Variants in CYRIA observed in about 807,000 individuals in gnomAD.
CYRIA encodes the protein CYFIP-related Rac1 interactor A.
Under a neutral mutation model 43.9 loss-of-function variants are expected in CYRIA, and 15 were observed. The ratio of observed to expected loss-of-function variants is 0.34; its 90% CI spans 0.23 to 0.53. The LOEUF is 0.53. Ranked by LOEUF, CYRIA falls within the 20% of genes least tolerant of loss-of-function variation. CYRIA has a pLI of 0.94. For synonymous variants in CYRIA, 117 were observed against 136.0 expected (o/e 0.86, Z 0.97); for missense variants, 236 against 394.2 (o/e 0.60, Z 3.40).
At chr2:16,634,109 C>T (rs563652950) in intron 1 of CYRIA, among the ~76,000 whole-genome samples, 2 of 152,262 alleles carry the variant, frequency 1.3e-5, no homozygotes, top group South Asian at 4.1e-4. Flanking sequence ...AGTATTTAGG[C>T]TTGATAAGCT....
chr2:16,578,643 T>C (rs1292516511), intron 3 of CYRIA, among the ~76,000 whole-genome samples: 1 of 152,164 alleles, frequency 6.6e-6, no homozygotes, highest in Non-Finnish European at 1.5e-5. Context: ...CTACTAATGA[T>C]AAGCTCCTTG....
chr2:16,561,358 C>T (rs957592470), intron 7 of CYRIA, 81 bp from the exon 8 acceptor site: 1 of 1,472,778 alleles, frequency 6.8e-7, no homozygotes, highest in Non-Finnish European at 9.5e-7. Flanking sequence ...AACTGAATTA[C>T]AGACAAGGAC....
In CYRIA at chr2:16,568,242, A is replaced by C. The variant is rs201335636; in HGVS notation, c.71-2475T>G. Among the ~76,000 whole-genome samples, 5 of 151,822 alleles carry C rather than the reference A, an allele frequency of 3.3e-5. No homozygotes were observed. In the East Asian group the frequency reaches 9.7e-4, roughly 29 times the overall value. On this transcript the variant is annotated intron_variant, in intron 3 of 11. Coordinates refer to ENST00000381323, the MANE Select transcript of CYRIA (RefSeq NM_030797.4). Reference sequence around the variant, plus strand: ...TTCAAAATCAGAAAAAAAAAAAAAAAAAAAAAACCCAAATCTGAAACACTT... The same window carrying C: ...TTCAAAATCAGAAAAAAAAAAAAAACAAAAAAACCCAAATCTGAAACACTT...
Position 16,602,515 on chromosome 2 carries a change from T to C in CYRIA, c.-10-14386A>G, listed in dbSNP as rs115082672. On this transcript the variant is annotated intron_variant, in intron 2 of 11. Coordinates refer to ENST00000381323, the MANE Select transcript of CYRIA (RefSeq NM_030797.4). ...TATGTCAAAGGGAGAAAAGTTATCA[T>C]TGGACCCATTTTACGGGTATAAGAA... 8.9e-3 allele frequency among the ~76,000 whole-genome samples: 1,362 copies of C among 152,278 alleles called. 16 individuals carry two copies. Among genetic ancestry groups the C allele is most frequent in the African/African-American group, 0.031 (1,300 of 41,544 alleles).
chr2:16,575,838 A>G (rs181761208), intron 3 of CYRIA, among the ~76,000 whole-genome samples: 4,964 of 152,008 alleles, frequency 0.033, 244 homozygotes, highest in African/African-American at 0.097. Context: ...CCTGGGCCAC[A>G]GAGCGAGACT....
chr2:16,588,390 C>A lies in CYRIA; in HGVS notation c.-10-261G>T, dbSNP rs13386393. 4.4e-3 allele frequency among the ~76,000 whole-genome samples: 671 copies of A among 150,822 alleles called. 6 individuals are homozygous for A. The highest frequency in any genetic ancestry group is 0.015 in the African/African-American group (612 of 40,918). The stretch of plus-strand genomic sequence containing the variant: ...ATGATAGAAGTGTTACAATCTCTCT[C>A]GAGAGAATACACCTGCAGTCCATAT... On this transcript the variant is annotated intron_variant, in intron 2 of 11. Coordinates refer to ENST00000381323, the MANE Select transcript of CYRIA (RefSeq NM_030797.4).
At chr2:16,589,873 A>T (rs967108787) in intron 2 of CYRIA, among the ~76,000 whole-genome samples, 1 of 152,098 alleles carries the variant, frequency 6.6e-6, no homozygotes, top group East Asian at 1.9e-4. Flanking sequence ...TCTAAACATT[A>T]TAGTTATCTG....
chr2:16,630,056 G>A (rs1246788067), intron 1 of CYRIA, among the ~76,000 whole-genome samples: 1 of 152,130 alleles, frequency 6.6e-6, no homozygotes, highest in East Asian at 1.9e-4. Context: ...TGGTGATGGG[G>A]CAGAAGATAC....
chr2:16,605,184 T>C (rs925173868), intron 2 of CYRIA, among the ~76,000 whole-genome samples: 2 of 151,890 alleles, frequency 1.3e-5, no homozygotes, highest in Non-Finnish European at 2.9e-5. Flanking sequence ...AGGTTTAAAA[T>C]AGTTCTTTCA....
chr2:16,621,988 C>T (rs1390496995), intron 2 of CYRIA, among the ~76,000 whole-genome samples: 1 of 152,170 alleles, frequency 6.6e-6, no homozygotes, highest in Non-Finnish European at 1.5e-5. Flanking sequence ...GAGCCACCCA[C>T]TGCATGGTTC....
At chr2:16,621,029 A>G (rs1668976216) in intron 2 of CYRIA, among the ~76,000 whole-genome samples, 1 of 152,104 alleles carries the variant, frequency 6.6e-6, no homozygotes, top group Non-Finnish European at 1.5e-5. Context: ...CTAATGCAAC[A>G]CTGATCAAAG....
chr2:16,641,517 C>A (rs1384825113), intron 1 of CYRIA, among the ~76,000 whole-genome samples: 1 of 152,180 alleles, frequency 6.6e-6, no homozygotes, highest in Admixed American at 6.5e-5. Context: ...ATTTCTTTGT[C>A]CTCTGAACTC....
At chr2:16,560,374 T>C (rs1014675652) in intron 9 of CYRIA, among the ~76,000 whole-genome samples, 4 of 152,150 alleles carry the variant, frequency 2.6e-5, no homozygotes, top group African/African-American at 7.2e-5. Context: ...GCAAAGTAGA[T>C]GGCCTTATGG....
chr2:16,561,543 A>G lies in CYRIA; in HGVS notation c.436-10T>C. On this transcript the variant is annotated splice_polypyrimidine_tract_variant and intron_variant, in intron 6 of 11. Coordinates refer to ENST00000381323, the MANE Select transcript of CYRIA (RefSeq NM_030797.4). ...TAGCCGGGTTCCTCATCTGAAATTC[A>G]GAGGACAAGAGCGAAGGTCATCTCT... The G allele has an allele frequency of 6.2e-7, 1 of 1,609,924 alleles. No individual in the cohort carries two copies. The highest frequency in any genetic ancestry group is 1.3e-5 in the African/African-American group (1 of 74,942).
intron 2 of CYRIA, among the ~76,000 whole-genome samples, chr2:16,614,295 A>T (rs1275959610): frequency 6.6e-6 from 1 of 152,218 alleles, no homozygotes; most frequent in Non-Finnish European, 1.5e-5. Context: ...GAAATCTGCA[A>T]TCCACAAGAG....
intron 3 of CYRIA, among the ~76,000 whole-genome samples, chr2:16,584,365 A>G (rs1667652496): frequency 6.6e-6 from 1 of 152,144 alleles, no homozygotes; most frequent in Non-Finnish European, 1.5e-5. Flanking sequence ...TTCATGGGTT[A>G]AGTGCTGAGT....
intron 2 of CYRIA, among the ~76,000 whole-genome samples, chr2:16,605,781 A>C (rs998933214): frequency 1.3e-5 from 2 of 152,182 alleles, no homozygotes; most frequent in African/African-American, 4.8e-5. Context: ...CTTTCTTCAG[A>C]ATTCATTCTC....
intron 1 of CYRIA, among the ~76,000 whole-genome samples, chr2:16,625,351 GACA>G (rs1669129022): frequency 6.9e-6 from 1 of 145,428 alleles, no homozygotes; most frequent in African/African-American, 2.6e-5. Flanking sequence ...CCTGTTCTCA[GACA>G]ACAAGGGACA....
intron 3 of CYRIA, among the ~76,000 whole-genome samples, chr2:16,579,528 G>A (rs1572475656): frequency 6.6e-6 from 1 of 151,464 alleles, no homozygotes; most frequent in East Asian, 1.9e-4. Flanking sequence ...GGCATATATA[G>A]AAGCAAAATA....
Sources: gnomAD v4.1 joint callset for allele counts (sites outside exome capture counted in the v4.1 genomes callset) on GRCh38, gnomAD v4.1.1 for gene constraint, MANE v1.5 for transcripts, NCBI Gene and HGNC (gene_info 2026-07-23, HGNC 2026-07-21) for gene names.